KCNJ6: variants seen among roughly 807,000 people sequenced by gnomAD.
KCNJ6 encodes potassium inwardly rectifying channel subfamily J member 6.
In KCNJ6, 9 loss-of-function variants were observed where a neutral mutation model predicts 34.2. The observed-to-expected ratio is 0.26, with a 90% CI of 0.16 to 0.46. The LOEUF (loss-of-function observed/expected upper bound fraction) is 0.46. KCNJ6 is among the 20% of genes least tolerant of loss of function. The pLI, the probability that KCNJ6 is intolerant of heterozygous loss-of-function variation, is 1.00. For missense variants in KCNJ6, 236 were observed against 531.3 expected (o/e 0.44, Z 5.46); for synonymous variants, 196 against 207.1 (o/e 0.95, Z 0.46).
At chr21:37,830,588 C>G (rs2055421006) in intron 2 of KCNJ6, among the ~76,000 whole-genome samples, 1 of 152,118 alleles carries the variant, frequency 6.6e-6, no homozygotes, top group African/African-American at 2.4e-5. Flanking sequence ...TCACTGGTGG[C>G]CACGCTGAGA....
intron 3 of KCNJ6, among the ~76,000 whole-genome samples, chr21:37,654,387 A>G (rs1263127607): frequency 6.6e-6 from 1 of 150,798 alleles, no homozygotes; most frequent in African/African-American, 2.5e-5. Context: ...TCTTGATTCG[A>G]CATCTCTCTG....
rs868557761 is a variant in KCNJ6, at chr21:37,667,493, T to G, written c.947-42009A>C. Among the ~76,000 whole-genome samples the G allele has an allele frequency of 7.3e-4, 109 of 150,174 alleles. 5 individuals are homozygous for G. The Middle Eastern group carries it at 0.01, about 14-fold the overall frequency. ...TAGTAGGCGCCGGGGTAGCGGGAGCTGGGGTAGAGGACGCTGGGGTAGTGG... is the reference window on the plus strand; with the variant it reads ...TAGTAGGCGCCGGGGTAGCGGGAGCGGGGGTAGAGGACGCTGGGGTAGTGG... On this transcript the variant is annotated intron_variant, in intron 3 of 3. Coordinates refer to ENST00000609713, the MANE Select transcript of KCNJ6 (RefSeq NM_002240.5).
chr21:37,725,580 C>T (rs1165763721), intron 2 of KCNJ6, among the ~76,000 whole-genome samples: 1 of 152,066 alleles, frequency 6.6e-6, no homozygotes, highest in Non-Finnish European at 1.5e-5. Flanking sequence ...TGTAATAGCA[C>T]AGTCTTTCCG....
In KCNJ6 at chr21:37,625,255, A is replaced by G. The variant is rs748015622; in HGVS notation, c.1176T>C (p.His392=). Residue 392 remains histidine (H), a synonymous_variant, in exon 4 of 4, where the codon CAT becomes CAC. Coordinates refer to ENST00000609713, the MANE Select transcript of KCNJ6 (RefSeq NM_002240.5). ...SWSVSSKLNQ[H]AELETEEEEK... is the part of the protein sequence containing the mutation. ...CTTCCTCTTCAGTCTCCAGTTCTGCATGTTGGTTGAGTTTGCTGGATACAG... is the reference window on the plus strand; with the variant it reads ...CTTCCTCTTCAGTCTCCAGTTCTGCGTGTTGGTTGAGTTTGCTGGATACAG... 2 of 1,614,088 alleles carry G rather than the reference A, an allele frequency of 1.2e-6. No individual in the cohort carries two copies. The highest frequency in any genetic ancestry group is 2.2e-5 in the East Asian group (1 of 44,876).
At chr21:37,840,854 C>A (rs2055476800) in intron 1 of KCNJ6, 145 bp from the exon 2 acceptor site, 1 of 576,654 alleles carries the variant, frequency 1.7e-6, no homozygotes. Context: ...AAAAAACCCA[C>A]ATGACAGTTA....
At chr21:37,889,150 C>T (rs537002935) in intron 1 of KCNJ6, among the ~76,000 whole-genome samples, 1 of 152,260 alleles carries the variant, frequency 6.6e-6, no homozygotes, top group East Asian at 1.9e-4. Flanking sequence ...ACTGAGGGAA[C>T]CTTAAACTGG....
At chr21:37,896,043 C>T (rs1483400940) in intron 1 of KCNJ6, among the ~76,000 whole-genome samples, 1 of 152,144 alleles carries the variant, frequency 6.6e-6, no homozygotes, top group African/African-American at 2.4e-5. Context: ...ATGATGCTGG[C>T]ATTTGCGGCC....
chr21:37,815,654 C>T (rs1051409300), intron 2 of KCNJ6, among the ~76,000 whole-genome samples: 1 of 152,206 alleles, frequency 6.6e-6, no homozygotes, highest in Non-Finnish European at 1.5e-5. Flanking sequence ...TGGCCTTAGA[C>T]AAGGTGGTCT....
At chr21:37,696,737 G>T (rs1436625498) in intron 3 of KCNJ6, among the ~76,000 whole-genome samples, 1 of 152,130 alleles carries the variant, frequency 6.6e-6, no homozygotes, top group Non-Finnish European at 1.5e-5. Context: ...CTGTGGTTTT[G>T]TAAGACTGTC....
intron 3 of KCNJ6, among the ~76,000 whole-genome samples, chr21:37,706,433 A>G (rs914184599): frequency 5.3e-5 from 8 of 152,220 alleles, no homozygotes; most frequent in South Asian, 2.1e-4. Flanking sequence ...ATGACTTGCT[A>G]TGACTAACAA....
chr21:37,707,553 G>A (rs1408364810), intron 3 of KCNJ6, among the ~76,000 whole-genome samples: 2 of 152,000 alleles, frequency 1.3e-5, no homozygotes, highest in Non-Finnish European at 2.9e-5. Flanking sequence ...ACACAAAGGG[G>A]CACAGATGAA....
intron 2 of KCNJ6, among the ~76,000 whole-genome samples, chr21:37,763,151 A>G (rs576034831): frequency 4.4e-4 from 67 of 152,144 alleles, no homozygotes; most frequent in African/African-American, 1.6e-3. Flanking sequence ...GTACAAGGCA[A>G]GTCACCACCC....
intron 3 of KCNJ6, among the ~76,000 whole-genome samples, chr21:37,639,958 T>C (rs1208132998): frequency 6.6e-6 from 1 of 152,256 alleles, no homozygotes; most frequent in East Asian, 1.9e-4. Flanking sequence ...GATGCTATCA[T>C]GCTTCCTGTA....
intron 2 of KCNJ6, among the ~76,000 whole-genome samples, chr21:37,817,518 A>G (rs575877679): frequency 6.6e-6 from 1 of 152,334 alleles, no homozygotes; most frequent in Admixed American, 6.5e-5. Context: ...AATGAATGGT[A>G]GTGTTGAGAC....
intron 3 of KCNJ6, among the ~76,000 whole-genome samples, chr21:37,686,021 G>C (rs1289634882): frequency 6.6e-6 from 1 of 152,060 alleles, no homozygotes; most frequent in Non-Finnish European, 1.5e-5. Context: ...AGGCACCCAA[G>C]TGACAGTGAG....
intron 2 of KCNJ6, among the ~76,000 whole-genome samples, chr21:37,801,403 C>T (rs1199898180): frequency 6.6e-6 from 1 of 152,172 alleles, no homozygotes; most frequent in African/African-American, 2.4e-5. Context: ...ACTTCTGGGA[C>T]GCTTGGTTGT....
chr21:37,646,847 C>G (rs989655900), intron 3 of KCNJ6, among the ~76,000 whole-genome samples: 9 of 151,872 alleles, frequency 5.9e-5, no homozygotes, highest in African/African-American at 2.2e-4. Flanking sequence ...ATTTGTTGTA[C>G]TTTTTTAGTA....
chr21:37,692,982 T>C (rs2054646806), intron 3 of KCNJ6, among the ~76,000 whole-genome samples: 1 of 152,216 alleles, frequency 6.6e-6, no homozygotes. Context: ...AAACTCATTC[T>C]GTAAGTGAGC....
In KCNJ6 at chr21:37,619,020, C is replaced by G. The variant is rs956130480; in HGVS notation, c.*6139G>C. 6.6e-6 allele frequency: 1 copy of G among 152,234 alleles called. No homozygotes were observed. The highest frequency in any genetic ancestry group is 6.5e-5 in the Admixed American group (1 of 15,276). The allele number at this position is 152,234 out of a possible 1,614,324, so 9.4% of individuals were successfully genotyped here. ...CAGTTGAAGGGTCACAAGCTTTTTG[C>G]ATGATCTATATTGTAGATACCATTA... On this transcript the variant is annotated 3_prime_UTR_variant, in exon 4 of 4. Coordinates refer to ENST00000609713, the MANE Select transcript of KCNJ6 (RefSeq NM_002240.5).
Sources: gnomAD v4.1 joint callset for allele counts (sites outside exome capture counted in the v4.1 genomes callset) on GRCh38, gnomAD v4.1.1 for gene constraint, MANE v1.5 for transcripts, NCBI Gene and HGNC (gene_info 2026-07-23, HGNC 2026-07-21) for gene names.